The following RETSAT variants were observed in gnomAD, a reference collection of about 807,000 sequenced individuals.
RETSAT encodes the protein all-trans-retinol 13,14-reductase.
A neutral mutation model predicts 61.6 loss-of-function variants in RETSAT; 35 were observed. The observed-to-expected ratio is 0.57, with a 90% CI of 0.43 to 0.75. The LOEUF (loss-of-function observed/expected upper bound fraction) is 0.75, where lower values mean the gene tolerates loss of function less well. Ranked by LOEUF, RETSAT falls within the 30% of genes least tolerant of loss-of-function variation. The probability of loss-of-function intolerance (pLI) is 0.00; values close to 1 mark genes in which losing one functional copy is unlikely to be tolerated. For synonymous variants in RETSAT, 277 were observed against 310.4 expected (o/e 0.89, Z 1.13); for missense variants, 670 against 759.5 (o/e 0.88, Z 1.38).
Position 85,346,953 on chromosome 2 carries a change from TGA to T in RETSAT, c.998-861_998-860del, listed in dbSNP as rs1683212980. Among the ~76,000 whole-genome samples the T allele has an allele frequency of 3.3e-5, 5 of 152,254 alleles. No homozygotes were observed. In the South Asian group the frequency reaches 1.0e-3, roughly 32 times the overall value. The stretch of plus-strand genomic sequence containing the variant: ...TTAGGCAGAACCAATATCAAACAGC[TGA>T]GAGTCAACCATTTCTTACCTACAAA... On this transcript the variant is annotated intron_variant, in intron 5 of 10. Transcript: ENST00000295802.
intron 6 of RETSAT, among the ~76,000 whole-genome samples, chr2:85,345,292 GA>G (rs1683175027): frequency 6.6e-6 from 1 of 152,182 alleles, no homozygotes; most frequent in Non-Finnish European, 1.5e-5. Flanking sequence ...TCCCCATGCG[GA>G]AAGCCAGGAC....
rs764080478 is a variant in RETSAT at position 85,351,824 on chromosome 2, C to T, written c.211G>A (p.Val71Met). 3.3e-5 allele frequency: 53 copies of T among 1,613,984 alleles called. No homozygotes were observed. Among genetic ancestry groups the T allele is most frequent in the Non-Finnish European group, 3.8e-5 (45 of 1,180,042 alleles). Residue 71 changes from valine to methionine, a missense_variant, in exon 2 of 11, where the codon GTG (valine) becomes ATG (methionine). Physicochemically the swap from Val to Met is conservative, Grantham distance 21 (BLOSUM62 1). Coordinates refer to ENST00000295802, the MANE Select transcript of RETSAT (RefSeq NM_017750.4). The part of the protein sequence containing the change: ...ANQVPEKLDV[V>M]VIGSGFGGLA... ...CCCCCAAAGCCACTGCCAATTACCA[C>T]CACATCCAGCTTCTCCGGCACTTGG...
intron 5 of RETSAT, among the ~76,000 whole-genome samples, chr2:85,348,291 G>T (rs1683234731): frequency 6.6e-6 from 1 of 152,056 alleles, no homozygotes; most frequent in South Asian, 2.1e-4. Flanking sequence ...CCTCTAATAT[G>T]TGCTAAGATT....
chr2:85,344,855 C>T, intron 6 of RETSAT, 123 bp from the exon 7 acceptor site: 3 of 1,017,754 alleles, frequency 2.9e-6, no homozygotes, highest in Non-Finnish European at 4.3e-6. Context: ...CCCCTGGCCA[C>T]TCTGCTTCCT....
At chr2:85,345,950 G>C in intron 6 of RETSAT, 25 bp downstream of exon 6, 1 of 1,614,102 alleles carries the variant, frequency 6.2e-7, no homozygotes. Context: ...ACCTGCAAGA[G>C]GGGCAGTGCA....
Position 85,344,669 on chromosome 2 carries a change from A to G in RETSAT, c.1181T>C (p.Leu394Pro), listed in dbSNP as rs1259661648. 2 of 1,614,074 alleles carry G rather than the reference A, an allele frequency of 1.2e-6. No individual in the cohort carries two copies. Among genetic ancestry groups the G allele is most frequent in the East Asian group, 2.2e-5 (1 of 44,880 alleles). Reference sequence around the variant, plus strand: ...ATGCAGGTCTTCCTTGGTGCCTCGCAGGCAGATGAAAACAGAGGTCATGCC... The same window carrying G: ...ATGCAGGTCTTCCTTGGTGCCTCGCGGGCAGATGAAAACAGAGGTCATGCC... ...GLGMTSVFIC[L>P]RGTKEDLHLP... The change falls in exon 7 of 11, where the codon CTG becomes CCG. Residue 394 changes from leucine to proline, a missense_variant. Leu to Pro is a moderately conservative substitution (Grantham distance 98). Transcript: ENST00000295802.
At position 85,354,516 on chromosome 2, in the gene RETSAT, C is replaced by T. The variant is rs1249862074; in HGVS notation, c.-9G>A. The T allele has an allele frequency of 1.9e-6, 3 of 1,601,282 alleles. No individual in the cohort carries two copies. Among genetic ancestry groups the T allele is most frequent in the Non-Finnish European group, 2.6e-6 (3 of 1,173,472 alleles). On this transcript the variant is annotated 5_prime_UTR_variant, in exon 1 of 11. Transcript: ENST00000295802. The stretch of plus-strand genomic sequence containing the variant: ...ACCAGCGGAAGCCACATCACGCCGG[C>T]GTCGGGTCGGGTAAATGGGACAGCT...
intron 5 of RETSAT, 116 bp from the exon 6 acceptor site, chr2:85,346,210 T>C: frequency 7.2e-7 from 1 of 1,384,448 alleles, no homozygotes; most frequent in Non-Finnish European, 9.8e-7. Context: ...GGAGTCCAGC[T>C]ACCTAGACTC....
chr2:85,349,658 G>T, intron 4 of RETSAT, 77 bp from the exon 5 acceptor site: 1 of 1,246,560 alleles, frequency 8.0e-7, no homozygotes, highest in Non-Finnish European at 1.2e-6. Flanking sequence ...GGAATTCTGT[G>T]AGATAACACA....
Position 85,344,231 on chromosome 2 carries a change from AG to A in RETSAT, c.1366+7del. The A allele has an allele frequency of 6.2e-7, 1 of 1,614,144 alleles. No individual in the cohort carries two copies. Among genetic ancestry groups the A allele is most frequent in the Admixed American group, 1.7e-5 (1 of 60,008 alleles). ...CTCCACCCCCTCACCCGGGACGTGC[AG>A]CCCCACCTGGGAATCGGTCCTCCCA... On this transcript the variant is annotated splice_region_variant and intron_variant, in intron 8 of 10. Transcript: ENST00000295802.
rs1271662753 is a variant in RETSAT at position 85,344,274 on chromosome 2, G to A, written c.1331C>T (p.Ser444Leu). The change falls in exon 8 of 11, where the codon TCA becomes TTA. Residue 444 changes from serine (S) to leucine (L), a missense_variant. Ser to Leu is a moderately radical substitution (Grantham distance 145, BLOSUM62 -2). Coordinates refer to ENST00000295802, the MANE Select transcript of RETSAT (RefSeq NM_017750.4). Reference sequence around the variant, plus strand: ...GTCCTCCCAGGTCGGATCTTTGGCTGATGGGAAAGCGAAGAAGAGAAGAGG... The same window carrying A: ...GTCCTCCCAGGTCGGATCTTTGGCTAATGGGAAAGCGAAGAAGAGAAGAGG... Reference protein sequence around the residue: ...HIPLLFFAFPSAKDPTWEDRF... With the variant: ...HIPLLFFAFPLAKDPTWEDRF... The A allele has an allele frequency of 6.2e-7, 1 of 1,614,114 alleles. No individual in the cohort carries two copies. The highest frequency in any genetic ancestry group is 2.2e-5 in the East Asian group (1 of 44,862).
At chr2:85,349,687 G>A (rs991025562) in intron 4 of RETSAT, 106 bp from the exon 5 acceptor site, 12 of 982,500 alleles carry the variant, frequency 1.2e-5, no homozygotes, top group Non-Finnish European at 1.9e-5. Context: ...TCTATCCGAG[G>A]AACCACATGT....
At position 85,350,187 on chromosome 2, in the gene RETSAT, C is replaced by T. The variant is rs139043592; in HGVS notation, c.652G>A (p.Val218Met). 9.5e-3 allele frequency: 15,346 copies of T among 1,613,874 alleles called. 113 individuals carry two copies. Among genetic ancestry groups the T allele is most frequent in the Middle Eastern group, 0.036 (216 of 6,062 alleles). The change falls in exon 4 of 11, where the codon GTG becomes ATG. Residue 218 changes from valine to methionine, a missense_variant. Val to Met is a conservative substitution (Grantham distance 21). Transcript: ENST00000295802. Reference sequence around the variant, plus strand: ...CCACACCTGTCGAGGAGCTGAACCACGGGCAATGGGAGGAATTTCAACAGG... The same window carrying T: ...CCACACCTGTCGAGGAGCTGAACCATGGGCAATGGGAGGAATTTCAACAGG... ...AILLKFLPLP[V>M]VQLLDRCGLL...
At position 85,350,252 on chromosome 2, in the gene RETSAT, G is replaced by C; in HGVS notation, c.598-11C>G. 6.2e-7 allele frequency: 1 copy of C among 1,607,850 alleles called. No homozygotes were observed. Among genetic ancestry groups the C allele is most frequent in the Admixed American group, 1.7e-5 (1 of 60,002 alleles). On this transcript the variant is annotated splice_polypyrimidine_tract_variant and intron_variant, in intron 3 of 10. Transcript: ENST00000295802. ...TCCACTGGATACCACCTGGGGGAGT[G>C]AATGAGGACAGCAGGCCTCACCTCT...
At position 85,342,161 on chromosome 2, in the gene RETSAT, G is replaced by A. The variant is rs915651853; in HGVS notation, c.*1081C>T. On this transcript the variant is annotated 3_prime_UTR_variant, in exon 11 of 11. Transcript: ENST00000295802. Reference sequence around the variant, plus strand: ...AACACGAACTACAAAGAGACCTTTCGTATGTCTGATACCAAAGACATAACT... The same window carrying A: ...AACACGAACTACAAAGAGACCTTTCATATGTCTGATACCAAAGACATAACT... 7 of 224,970 alleles carry A rather than the reference G, an allele frequency of 3.1e-5. No individual in the cohort carries two copies. Among genetic ancestry groups the A allele is most frequent in the Admixed American group, 5.2e-5 (1 of 19,138 alleles). The allele number at this position is 224,970 out of a possible 1,614,324, so 13.9% of individuals were successfully genotyped here.
At chr2:85,348,562 C>T (rs566153326) in intron 5 of RETSAT, among the ~76,000 whole-genome samples, 3 of 122,974 alleles carry the variant, frequency 2.4e-5, no homozygotes, top group Admixed American at 9.5e-5. Context: ...AACCAGGAGG[C>T]GGAGCTTGCA....
intron 1 of RETSAT, among the ~76,000 whole-genome samples, chr2:85,352,541 C>T (rs368007084): frequency 2.6e-5 from 4 of 152,098 alleles, no homozygotes; most frequent in Admixed American, 2.0e-4. Flanking sequence ...TGAGCCACCG[C>T]GCCCCGCCTA....
At position 85,345,597 on chromosome 2, in the gene RETSAT, C is replaced by T. The variant is rs547011699; in HGVS notation, c.1117+378G>A. The stretch of plus-strand genomic sequence containing the variant: ...TGAAGGTGGCGGGACCTCTTAGCTG[C>T]GTTGGCTCGGCGGCTCTGCTCCCTG... On this transcript the variant is annotated intron_variant, in intron 6 of 10. Coordinates refer to ENST00000295802, the MANE Select transcript of RETSAT (RefSeq NM_017750.4). 617 of 365,634 alleles carry T rather than the reference C, an allele frequency of 1.7e-3. 5 individuals carry two copies. Among genetic ancestry groups the T allele is most frequent in the South Asian group, 9.8e-3 (456 of 46,398 alleles). The allele number at this position is 365,634 out of a possible 1,614,324, so 22.6% of individuals were successfully genotyped here.
At chr2:85,344,798 G>A in intron 6 of RETSAT, 66 bp from the exon 7 acceptor site, 1 of 1,572,204 alleles carries the variant, frequency 6.4e-7, no homozygotes, top group Non-Finnish European at 8.6e-7. Flanking sequence ...TTGCTCCCAG[G>A]AGAGCCTTGG....
Sources: gnomAD v4.1 joint callset for allele counts (sites outside exome capture counted in the v4.1 genomes callset) on GRCh38, gnomAD v4.1.1 for gene constraint, MANE v1.5 for transcripts, NCBI Gene and HGNC (gene_info 2026-07-23, HGNC 2026-07-21) for gene names.